PCSK5: variants seen among roughly 807,000 people sequenced by gnomAD.
The protein encoded by PCSK5 is prohormone convertase 5.
Under a neutral mutation model 233.2 loss-of-function variants are expected in PCSK5, and 129 were observed. That is an observed-to-expected ratio of 0.55 (90% CI 0.48 to 0.64). The LOEUF (loss-of-function observed/expected upper bound fraction) is 0.64, where lower values mean the gene tolerates loss of function less well. PCSK5 is among the 30% of genes least tolerant of loss of function. PCSK5 has a pLI of 0.00. For missense variants in PCSK5, 2,076 were observed against 2,430.1 expected, an observed-to-expected ratio of 0.85 and a Z score of 3.06; for synonymous variants, 825 against 879.2, an observed-to-expected ratio of 0.94 and a Z score of 1.09.
chr9:76,214,416 C>A (rs1053111449), intron 20 of PCSK5, among the ~76,000 whole-genome samples: 1 of 152,046 alleles, frequency 6.6e-6, no homozygotes, highest in African/African-American at 2.4e-5. Context: ...ATCTCTACTA[C>A]TTTCTTGAAA....
In PCSK5 at chr9:76,201,838, C is replaced by T. The variant is rs141593649; in HGVS notation, c.2626+12092C>T. On this transcript the variant is annotated intron_variant, in intron 20 of 37. Coordinates refer to ENST00000674117, the MANE Select transcript of PCSK5 (RefSeq NM_001372043.1). Reference sequence around the variant, plus strand: ...TTGTAAAGAGGCTATTGTTTGCATTCTCTAGCCCAAGTTGAAATGAAGAAG... The same window carrying T: ...TTGTAAAGAGGCTATTGTTTGCATTTTCTAGCCCAAGTTGAAATGAAGAAG... Among the ~76,000 whole-genome samples, 4 of 152,228 alleles carry T rather than the reference C, an allele frequency of 2.6e-5. No homozygotes were observed. In the East Asian group the frequency reaches 7.7e-4, roughly 29 times the overall value.
chr9:75,948,765 C>T (rs1459288224), intron 2 of PCSK5, among the ~76,000 whole-genome samples: 2 of 152,080 alleles, frequency 1.3e-5, no homozygotes, highest in African/African-American at 4.8e-5. Flanking sequence ...GAACTAATTT[C>T]CACTCCCACC....
At chr9:75,942,080 AGT>A (rs1824333077) in intron 2 of PCSK5, among the ~76,000 whole-genome samples, 2 of 152,340 alleles carry the variant, frequency 1.3e-5, no homozygotes, top group Middle Eastern at 3.4e-3. Context: ...AACATGAGTG[AGT>A]GAGAAGGGCC....
intron 20 of PCSK5, among the ~76,000 whole-genome samples, chr9:76,192,576 G>GAGTT (rs1328072437): frequency 2.6e-5 from 4 of 152,154 alleles, no homozygotes; most frequent in Non-Finnish European, 5.9e-5. Context: ...CTGTTCAACC[G>GAGTT]AGTTAGGCAC....
At chr9:75,910,878 C>A (rs1262781209) in intron 1 of PCSK5, among the ~76,000 whole-genome samples, 1 of 152,166 alleles carries the variant, frequency 6.6e-6, no homozygotes. Flanking sequence ...GGTATCGGTT[C>A]ACTCACTGAT....
intron 34 of PCSK5, among the ~76,000 whole-genome samples, chr9:76,335,794 G>A (rs924941202): frequency 6.6e-6 from 1 of 152,104 alleles, no homozygotes; most frequent in Admixed American, 6.5e-5. Context: ...CTGCTTAAGA[G>A]TTACAAAGTA....
intron 27 of PCSK5, among the ~76,000 whole-genome samples, chr9:76,300,211 G>A (rs17062401): frequency 0.017 from 2,633 of 152,270 alleles, 73 homozygotes; most frequent in African/African-American, 0.061. Context: ...GGGAAGATAC[G>A]TTGCCTAATA....
chr9:76,218,148 G>A (rs1032367971), intron 20 of PCSK5, among the ~76,000 whole-genome samples: 7 of 152,186 alleles, frequency 4.6e-5, no homozygotes, highest in Non-Finnish European at 8.8e-5. Context: ...ATCTGATGGA[G>A]ATTCACCTAT....
intron 2 of PCSK5, among the ~76,000 whole-genome samples, chr9:75,947,522 T>G (rs1824630280): frequency 1.3e-5 from 2 of 150,928 alleles, no homozygotes; most frequent in Non-Finnish European, 1.5e-5. Flanking sequence ...CCAACAAAAG[T>G]GCAAAAGACT....
At chr9:76,261,117 C>A (rs1163767321) in intron 24 of PCSK5, among the ~76,000 whole-genome samples, 1 of 152,042 alleles carries the variant, frequency 6.6e-6, no homozygotes, top group Non-Finnish European at 1.5e-5. Flanking sequence ...ACATGCAAAA[C>A]CAAGTGTACA....
chr9:76,226,559 C>T (rs1825898849), intron 20 of PCSK5, among the ~76,000 whole-genome samples: 1 of 152,134 alleles, frequency 6.6e-6, no homozygotes, highest in Admixed American at 6.5e-5. Flanking sequence ...TCAGACATGG[C>T]TTATGGGGGC....
chr9:76,288,867 T>C (rs1355647488), intron 24 of PCSK5, among the ~76,000 whole-genome samples: 1 of 152,202 alleles, frequency 6.6e-6, no homozygotes, highest in Non-Finnish European at 1.5e-5. Context: ...ATACATCTTA[T>C]AGGTATGATG....
intron 8 of PCSK5, among the ~76,000 whole-genome samples, chr9:76,097,484 T>C (rs1343710065): frequency 3.9e-5 from 6 of 152,186 alleles, no homozygotes. Flanking sequence ...GCACAAAGTC[T>C]GCTGGATGAA....
At chr9:76,006,035 T>A (rs955675180) in intron 3 of PCSK5, among the ~76,000 whole-genome samples, 17 of 151,478 alleles carry the variant, frequency 1.1e-4, no homozygotes, top group African/African-American at 3.6e-4. Context: ...TTTTTTTTTT[T>A]AATTTTTTTC....
intron 7 of PCSK5, among the ~76,000 whole-genome samples, chr9:76,074,942 G>A (rs774413696): frequency 1.1e-4 from 17 of 152,106 alleles, no homozygotes; most frequent in Non-Finnish European, 2.2e-4. Flanking sequence ...GATGCAGGCC[G>A]GGTGTGGTGG....
intron 11 of PCSK5, among the ~76,000 whole-genome samples, chr9:76,158,681 A>G (rs1338668574): frequency 6.6e-6 from 1 of 152,156 alleles, no homozygotes; most frequent in African/African-American, 2.4e-5. Context: ...GACCTACTCA[A>G]TCATACACTC....
intron 1 of PCSK5, among the ~76,000 whole-genome samples, chr9:75,909,503 C>T (rs140117469): frequency 2.2e-3 from 330 of 152,144 alleles, no homozygotes; most frequent in African/African-American, 7.5e-3. Context: ...CTAGACCAGC[C>T]TGACCAAAAT....
In PCSK5 at chr9:76,205,651, T is replaced by C. The variant is rs182972013; in HGVS notation, c.2626+15905T>C. On this transcript the variant is annotated intron_variant, in intron 20 of 37. Coordinates refer to ENST00000674117, the MANE Select transcript of PCSK5 (RefSeq NM_001372043.1). ...CAGATACAGGCAGGTGCTTTAAACCTGTAGCTTAATCAAATGGTTGTCAAC... is the reference window on the plus strand; with the variant it reads ...CAGATACAGGCAGGTGCTTTAAACCCGTAGCTTAATCAAATGGTTGTCAAC... 1.8e-3 allele frequency among the ~76,000 whole-genome samples: 273 copies of C among 152,348 alleles called. 2 individuals are homozygous for C. Among genetic ancestry groups the C allele is most frequent in the African/African-American group, 6.3e-3 (262 of 41,580 alleles).
intron 24 of PCSK5, among the ~76,000 whole-genome samples, chr9:76,259,456 T>TACACACAC (rs10592376): frequency 0.013 from 1,868 of 148,758 alleles, 16 homozygotes; most frequent in Non-Finnish European, 0.017. Context: ...CTGTCTACAC[T>TACACACAC]ACACACACAC....
Sources: gnomAD v4.1 joint callset for allele counts (sites outside exome capture counted in the v4.1 genomes callset) on GRCh38, gnomAD v4.1.1 for gene constraint, MANE v1.5 for transcripts, NCBI Gene and HGNC (gene_info 2026-07-23, HGNC 2026-07-21) for gene names.